Variants in AFG2A observed in about 807,000 individuals in gnomAD.
AFG2A encodes the protein ATPase family gene 2 protein homolog A.
At chr4:123,151,468 G>A in the AFG2A span, among the ~76,000 whole-genome samples, 8 of 152,018 alleles carry the variant, frequency 5.3e-5, no homozygotes, top group East Asian at 5.8e-4. Context: ...AAAAGTGGGC[G>A]AAGGATATCA....
At chr4:123,101,505 A>G in the AFG2A span, among the ~76,000 whole-genome samples, 36 of 151,940 alleles carry the variant, frequency 2.4e-4, no homozygotes, top group Non-Finnish European at 7.4e-5. Context: ...GATATTTAAA[A>G]CCAGCTATTT....
At chr4:122,941,906 T>A in the AFG2A span, among the ~76,000 whole-genome samples, 3 of 150,808 alleles carry the variant, frequency 2.0e-5, no homozygotes, top group African/African-American at 7.3e-5. Context: ...GGTTTTTGTC[T>A]TTGGTTCTGT....
At chr4:123,023,049 G>C in the AFG2A span, among the ~76,000 whole-genome samples, 1 of 146,318 alleles carries the variant, frequency 6.8e-6, no homozygotes, top group Non-Finnish European at 1.5e-5. Context: ...GTTGGGGGAG[G>C]GGGGAGGGAT....
At chr4:123,242,485 A>T in the AFG2A span, among the ~76,000 whole-genome samples, 7 of 152,240 alleles carry the variant, frequency 4.6e-5, no homozygotes, top group African/African-American at 1.7e-4. Flanking sequence ...CCTGACAAAA[A>T]CAAGAAGTGG....
the AFG2A span, among the ~76,000 whole-genome samples, chr4:123,247,828 C>T: frequency 6.6e-6 from 1 of 152,122 alleles, no homozygotes; most frequent in Non-Finnish European, 1.5e-5. Context: ...CTGGTTTTAT[C>T]TCATTAAATG....
the AFG2A span, among the ~76,000 whole-genome samples, chr4:123,002,856 T>G: frequency 2.6e-5 from 4 of 152,210 alleles, no homozygotes; most frequent in Non-Finnish European, 5.9e-5. Context: ...TGGCCTGCCT[T>G]GCTGGATTGG....
At chr4:123,248,078 A>AT in the AFG2A span, among the ~76,000 whole-genome samples, 3,551 of 152,264 alleles carry the variant, frequency 0.023, 67 homozygotes, top group African/African-American at 0.055. Context: ...GCACACAAAA[A>AT]AAAAATTGTC....
At chr4:123,215,209 C>G in the AFG2A span, among the ~76,000 whole-genome samples, 336 of 152,112 alleles carry the variant, frequency 2.2e-3, 2 homozygotes, top group Middle Eastern at 0.014. Flanking sequence ...TAAACCCAGT[C>G]TAGAGCTGAA....
chr4:123,289,119 T>C, the AFG2A span, among the ~76,000 whole-genome samples: 1 of 152,132 alleles, frequency 6.6e-6, no homozygotes. Context: ...ATCACCCAAA[T>C]AGTATACATT....
the AFG2A span, chr4:123,314,341 C>T: frequency 4.8e-6 from 1 of 207,620 alleles, no homozygotes; most frequent in Non-Finnish European, 9.5e-6. Flanking sequence ...TCTGTTCATC[C>T]CATGAAGCGA....
the AFG2A span, among the ~76,000 whole-genome samples, chr4:123,024,876 G>A: frequency 6.6e-6 from 1 of 152,198 alleles, no homozygotes; most frequent in Non-Finnish European, 1.5e-5. Flanking sequence ...AGCGTTCTGG[G>A]TTAAATGGTG....
chr4:122,972,118 G>T, the AFG2A span, among the ~76,000 whole-genome samples: 1 of 152,084 alleles, frequency 6.6e-6, no homozygotes, highest in East Asian at 1.9e-4. Context: ...ACATTTATCA[G>T]TGAAGCCATC....
chr4:123,241,726 C>T, the AFG2A span, among the ~76,000 whole-genome samples: 2 of 152,166 alleles, frequency 1.3e-5, no homozygotes, highest in African/African-American at 2.4e-5. Flanking sequence ...CGGCAGAAGA[C>T]AAGGATGCCC....
the AFG2A span, among the ~76,000 whole-genome samples, chr4:123,036,034 A>G: frequency 6.6e-6 from 1 of 152,206 alleles, no homozygotes; most frequent in African/African-American, 2.4e-5. Context: ...TTTAGAGGTG[A>G]AATAAATATT....
the AFG2A span, among the ~76,000 whole-genome samples, chr4:123,013,600 TG>T: frequency 6.6e-6 from 1 of 152,002 alleles, no homozygotes; most frequent in Non-Finnish European, 1.5e-5. Context: ...CTGTCGGGGT[TG>T]GGGGGCAAGG....
At chr4:123,267,584 C>A in the AFG2A span, among the ~76,000 whole-genome samples, 1,174 of 152,092 alleles carry the variant, frequency 7.7e-3, 14 homozygotes, top group African/African-American at 0.022. Context: ...AGCCTTTTGG[C>A]ATATTTTTAT....
the AFG2A span, among the ~76,000 whole-genome samples, chr4:123,214,644 A>G: frequency 3.9e-5 from 6 of 152,034 alleles, no homozygotes; most frequent in Non-Finnish European, 8.8e-5. Flanking sequence ...CTATTTTACC[A>G]TTTACTAACA....
chr4:122,947,914 A>G, the AFG2A span, among the ~76,000 whole-genome samples: 1 of 152,206 alleles, frequency 6.6e-6, no homozygotes, highest in African/African-American at 2.4e-5. Context: ...ATATATGAAT[A>G]TTTTTCAATA....
chr4:123,143,831 CTTT>C, the AFG2A span, among the ~76,000 whole-genome samples: 15 of 133,610 alleles, frequency 1.1e-4, no homozygotes, highest in Admixed American at 2.2e-4. Context: ...ACTTCTCTCT[CTTT>C]TTTTTTTTTT....
Sources: gnomAD v4.1 joint callset for allele counts (sites outside exome capture counted in the v4.1 genomes callset) on GRCh38, gnomAD v4.1.1 for gene constraint, MANE v1.5 for transcripts, NCBI Gene and HGNC (gene_info 2026-07-23, HGNC 2026-07-21) for gene names.